Variants in LRP1B observed in about 807,000 individuals in gnomAD.
LRP1B encodes the protein low-density lipoprotein receptor-related protein 1B.
A neutral mutation model predicts 556.6 loss-of-function variants in LRP1B; 217 were observed. The ratio of observed to expected loss-of-function variants is 0.39; its 90% CI spans 0.35 to 0.44. The LOEUF (loss-of-function observed/expected upper bound fraction) is 0.44, where lower values mean the gene tolerates loss of function less well. LRP1B is among the 20% of genes least tolerant of loss of function. The pLI is 1.00. For missense variants in LRP1B, 5,053 were observed against 5,620.8 expected (o/e 0.90, Z 3.23); for synonymous variants, 2,047 against 1,865.8 (o/e 1.10, Z -2.50).
At position 141,561,159 on chromosome 2, in the gene LRP1B, T is replaced by G. The variant is rs1686135637; in HGVS notation, c.206-80626A>C. On this transcript the variant is annotated intron_variant, in intron 2 of 90. Transcript: ENST00000389484. ...CACAATGCATAGCAGAAAATAAAGG[T>G]TAAATGTAATTCTTACTGGATGATA... is the stretch of plus-strand genomic sequence containing the variant. Among the ~76,000 whole-genome samples, 3 of 151,718 alleles carry G rather than the reference T, an allele frequency of 2.0e-5. No homozygotes were observed. The South Asian group carries it at 6.2e-4, about 31-fold the overall frequency.
At chr2:140,245,242 T>C (rs1042003004) in intron 87 of LRP1B, among the ~76,000 whole-genome samples, 15 of 151,392 alleles carry the variant, frequency 9.9e-5, no homozygotes, top group Non-Finnish European at 2.2e-4. Flanking sequence ...TTCTTTACTT[T>C]AGAACTGTTG....
intron 1 of LRP1B, among the ~76,000 whole-genome samples, chr2:142,078,351 T>G (rs980503807): frequency 6.6e-6 from 1 of 152,170 alleles, no homozygotes; most frequent in African/African-American, 2.4e-5. Context: ...GCCTAGCTAT[T>G]CTTCAAACCT....
chr2:141,063,480 A>G (rs1175571143), intron 7 of LRP1B, among the ~76,000 whole-genome samples: 3 of 151,876 alleles, frequency 2.0e-5, no homozygotes, highest in Non-Finnish European at 4.4e-5. Context: ...TCAGTTTATC[A>G]TAAGTTAAAA....
chr2:141,056,240 C>T (rs987901250), intron 9 of LRP1B, among the ~76,000 whole-genome samples: 2 of 151,888 alleles, frequency 1.3e-5, no homozygotes, highest in Non-Finnish European at 2.9e-5. Flanking sequence ...TCCACTTATA[C>T]AATAGATCGC....
At chr2:140,654,647 T>C (rs1280471092) in intron 41 of LRP1B, among the ~76,000 whole-genome samples, 17 of 152,196 alleles carry the variant, frequency 1.1e-4, no homozygotes, top group Non-Finnish European at 2.5e-4. Context: ...CAGAAGATTT[T>C]TTTTTCCCCG....
intron 7 of LRP1B, among the ~76,000 whole-genome samples, chr2:141,109,747 G>A (rs571838983): frequency 6.6e-6 from 1 of 152,114 alleles, no homozygotes; most frequent in South Asian, 2.1e-4. Context: ...GGCCAAAGCA[G>A]GAAGCTAAGC....
chr2:141,819,733 A>G (rs1328044011), intron 1 of LRP1B, among the ~76,000 whole-genome samples: 1 of 152,200 alleles, frequency 6.6e-6, no homozygotes, highest in Non-Finnish European at 1.5e-5. Context: ...AAATAGTAAG[A>G]AGGAGGATAT....
At chr2:141,451,420 T>C (rs1681417236) in intron 3 of LRP1B, among the ~76,000 whole-genome samples, 1 of 152,214 alleles carries the variant, frequency 6.6e-6, no homozygotes, top group African/African-American at 2.4e-5. Context: ...ATAATAATTG[T>C]AAATGTAAAG....
chr2:141,553,950 AATAG>A (rs1188476776), intron 2 of LRP1B, among the ~76,000 whole-genome samples: 21 of 138,478 alleles, frequency 1.5e-4, no homozygotes, highest in South Asian at 4.5e-4. Context: ...TATCTATATT[AATAG>A]ATATAGATTA....
At chr2:140,370,946 G>T (rs1304270150) in intron 70 of LRP1B, 104 bp from the exon 71 acceptor site, 1 of 1,233,362 alleles carries the variant, frequency 8.1e-7, no homozygotes, top group Non-Finnish European at 1.1e-6. Flanking sequence ...ATTATACCAT[G>T]GGCTTTCTTT....
chr2:141,217,382 C>T (rs1032658809), intron 6 of LRP1B, among the ~76,000 whole-genome samples: 82 of 152,126 alleles, frequency 5.4e-4, no homozygotes, highest in Non-Finnish European at 9.7e-4. Flanking sequence ...TGTAGATTGC[C>T]TAATGCACAA....
At chr2:141,691,434 G>GAA (rs34974812) in intron 2 of LRP1B, among the ~76,000 whole-genome samples, 6 of 89,172 alleles carry the variant, frequency 6.7e-5, no homozygotes, top group Admixed American at 1.1e-4. Context: ...AGAAGAAAAG[G>GAA]AAAAAAAAAA....
chr2:140,522,197 T>G (rs1395619680), intron 49 of LRP1B, among the ~76,000 whole-genome samples: 1 of 151,834 alleles, frequency 6.6e-6, no homozygotes, highest in African/African-American at 2.4e-5. Flanking sequence ...AAAACAAGTC[T>G]CAATAAATTT....
Position 140,503,059 on chromosome 2 carries a change from G to A in LRP1B, c.8566C>T (p.Arg2856Trp), listed in dbSNP as rs749243132. The part of the protein sequence containing the change: ...GTEEFSCADG[R>W]CLLNTQWQCD... ...TGCCATTGAGTATTTAGAAGACACC[G>A]CCCATCAGCACAACTAAATTCTTCT... Residue 2856 changes from arginine to tryptophan, a missense_variant, in exon 54 of 91, where the codon CGG becomes TGG. Physicochemically the swap from Arg to Trp is moderately radical, Grantham distance 101. This residue lies in a region of LRP1B where 3,619 missense variants were observed against 3,931.9 expected (regional missense o/e 0.92). Transcript: ENST00000389484. 28 of 1,613,014 alleles carry A rather than the reference G, an allele frequency of 1.7e-5. No homozygotes were observed. Among genetic ancestry groups the A allele is most frequent in the African/African-American group, 1.2e-4 (9 of 74,854 alleles).
intron 27 of LRP1B, among the ~76,000 whole-genome samples, chr2:140,859,785 G>C (rs1441208313): frequency 6.6e-6 from 1 of 151,972 alleles, no homozygotes; most frequent in East Asian, 1.9e-4. Context: ...ATGAGGTCAG[G>C]AGATCGAGAC....
chr2:140,400,674 AG>A (rs1005031580), intron 66 of LRP1B, among the ~76,000 whole-genome samples: 15 of 152,278 alleles, frequency 9.9e-5, no homozygotes, highest in African/African-American at 3.6e-4. Context: ...AGAGATTCAC[AG>A]TGAGAACTTT....
chr2:141,943,211 G>A (rs1488660554), intron 1 of LRP1B, among the ~76,000 whole-genome samples: 2 of 152,056 alleles, frequency 1.3e-5, no homozygotes, highest in Non-Finnish European at 2.9e-5. Flanking sequence ...TTTAAAAATA[G>A]ACTTTTAAAA....
chr2:141,861,910 A>G (rs779973753), intron 1 of LRP1B, among the ~76,000 whole-genome samples: 9 of 151,908 alleles, frequency 5.9e-5, no homozygotes, highest in Non-Finnish European at 1.3e-4. Flanking sequence ...AGCCTGGGCA[A>G]CAGAGTGAGA....
At chr2:141,984,891 G>C (rs960478135) in intron 1 of LRP1B, among the ~76,000 whole-genome samples, 1 of 152,000 alleles carries the variant, frequency 6.6e-6, no homozygotes, top group Non-Finnish European at 1.5e-5. Flanking sequence ...CATCTCATAT[G>C]GTACAAAAAC....
Sources: allele counts gnomAD v4.1 joint callset (sites outside exome capture counted in the v4.1 genomes callset), GRCh38; gene constraint gnomAD v4.1.1; regional missense constraint gnomAD v4.1.1; transcripts MANE v1.5; gene names NCBI Gene and HGNC (gene_info 2026-07-23, HGNC 2026-07-21).